MIGA1: variants seen among roughly 807,000 people sequenced by gnomAD.
The protein encoded by MIGA1 is family with sequence similarity 73, member A.
In MIGA1, 58 loss-of-function variants were observed where a neutral mutation model predicts 82.0. The ratio of observed to expected loss-of-function variants is 0.71; its 90% confidence interval spans 0.57 to 0.88. MIGA1 has a LOEUF of 0.88. MIGA1 is among the 40% of genes least tolerant of loss of function. The probability of loss-of-function intolerance (pLI) is 0.00; values close to 1 mark genes in which losing one functional copy is unlikely to be tolerated. For missense variants in MIGA1, 751 were observed against 749.1 expected (o/e 1.00, Z -0.03); for synonymous variants, 249 against 253.6 (o/e 0.98, Z 0.17).
chr1:77,856,754 G>A (rs955923611), intron 8 of MIGA1, among the ~76,000 whole-genome samples: 3 of 151,960 alleles, frequency 2.0e-5, no homozygotes, highest in African/African-American at 7.3e-5. Flanking sequence ...AGGTTATTGG[G>A]ATTTTCTCTC....
At chr1:77,811,760 G>A in intron 5 of MIGA1, 3 of 1,603,304 alleles carry the variant, frequency 1.9e-6, no homozygotes, top group Non-Finnish European at 2.6e-6. Context: ...CGCTGCAGCA[G>A]ACTCCGGGTC....
Position 77,851,252 on chromosome 1 carries a change from A to G in MIGA1, c.997-7686A>G, listed in dbSNP as rs985302816. Among the ~76,000 whole-genome samples, 6 of 152,218 alleles carry G rather than the reference A, an allele frequency of 3.9e-5. No individual in the cohort carries two copies. The South Asian group carries it at 1.2e-3, about 31-fold the overall frequency. On this transcript the variant is annotated intron_variant, in intron 8 of 15. Transcript: ENST00000370791. The stretch of plus-strand genomic sequence containing the variant: ...AAAAGGTAGGATGATGATTTGGTGT[A>G]AACAAATATAGTATTACTTTTCTTT...
rs768808863 is a variant in MIGA1, at chr1:77,858,945, A to T, written c.1004A>T (p.Glu335Val). 4.4e-6 allele frequency: 7 copies of T among 1,606,452 alleles called. No individual in the cohort carries two copies. The Admixed American group carries it at 5.0e-5, about 11-fold the overall frequency. ...AACCCACCGTGCTCTTAGCTTGCAG[A>T]ACACAGAGAAGTACGGCATACCTAC... The change falls in exon 9 of 16, where the codon GAA becomes GTA. Residue 335 changes from glutamate (E) to valine (V), a missense_variant. Around this residue, in one of 3 missense-constraint regions of MIGA1, gnomAD observed 482 missense variants for 439.4 expected, o/e 1.10. Transcript: ENST00000370791.
chr1:77,790,402 G>C (rs1682363145), intron 2 of MIGA1, among the ~76,000 whole-genome samples: 1 of 152,136 alleles, frequency 6.6e-6, no homozygotes, highest in Admixed American at 6.5e-5. Context: ...GAGTAGCTGG[G>C]ACTACAGGCT....
chr1:77,833,012 G>C (rs529079318), intron 7 of MIGA1, among the ~76,000 whole-genome samples: 1 of 152,290 alleles, frequency 6.6e-6, no homozygotes, highest in East Asian at 1.9e-4. Flanking sequence ...AGAACCTCTT[G>C]ACCACTAGAG....
intron 10 of MIGA1, 82 bp downstream of exon 10, chr1:77,859,468 C>T (rs1487308893): frequency 1.0e-5 from 9 of 898,462 alleles, no homozygotes; most frequent in South Asian, 2.7e-5. Flanking sequence ...ATAAACAGGA[C>T]AGCTCTGTGC....
In MIGA1 at chr1:77,877,558, T is replaced by G. The variant is rs985160344; in HGVS notation, c.*2494T>G. ...TATCTTTGGCCTTCACACACACATG[T>G]GTGCGTGCACGTGCATTTCATTACC... On this transcript the variant is annotated 3_prime_UTR_variant, in exon 16 of 16. Coordinates refer to ENST00000370791, the MANE Select transcript of MIGA1 (RefSeq NM_198549.4). The G allele has an allele frequency of 1.3e-5, 2 of 152,598 alleles. No individual in the cohort carries two copies. The highest frequency in any genetic ancestry group is 1.3e-4 in the Admixed American group (2 of 15,276). 9.5% of individuals were successfully genotyped at this position (152,598 alleles called of 1,614,324 possible).
chr1:77,836,556 G>GA (rs1684430338), intron 7 of MIGA1, among the ~76,000 whole-genome samples: 1 of 152,172 alleles, frequency 6.6e-6, no homozygotes, highest in Admixed American at 6.5e-5. Flanking sequence ...GATAGTAATA[G>GA]AAAAAATTAT....
chr1:77,779,864 C>T (rs1681820139), intron 1 of MIGA1, 128 bp downstream of exon 1: 1 of 1,429,800 alleles, frequency 7.0e-7, no homozygotes, highest in Non-Finnish European at 9.1e-7. Flanking sequence ...CGTTAGCTCT[C>T]GGAGTGCCAG....
intron 8 of MIGA1, chr1:77,848,230 G>A: frequency 7.0e-7 from 1 of 1,423,084 alleles, no homozygotes. Context: ...ATAAACTAAG[G>A]GCGAGGGACC....
chr1:77,849,289 C>G (rs759326438), intron 8 of MIGA1, among the ~76,000 whole-genome samples: 1 of 151,880 alleles, frequency 6.6e-6, no homozygotes, highest in Non-Finnish European at 1.5e-5. Flanking sequence ...CCCAGCTGTT[C>G]GAGAGGCTGA....
chr1:77,801,408 T>C lies in MIGA1; in HGVS notation c.273T>C (p.His91=). 6.2e-7 allele frequency: 1 copy of C among 1,608,636 alleles called. No individual in the cohort carries two copies. Among genetic ancestry groups the C allele is most frequent in the Non-Finnish European group, 8.5e-7 (1 of 1,179,054 alleles). The change falls in exon 3 of 16, where the codon CAT becomes CAC. Residue 91 remains histidine, a synonymous_variant. Transcript: ENST00000370791. ...CTATATCTGTAATTTTTCTGGCTCA[T>C]CACTTTAAAAGAAAACGTGGAAAGA...
At position 77,843,857 on chromosome 1, in the gene MIGA1, A is replaced by G. The variant is rs12046355; in HGVS notation, c.996+450A>G. Among the ~76,000 whole-genome samples, 76 of 151,994 alleles carry G rather than the reference A, an allele frequency of 5.0e-4. No homozygotes were observed. In the East Asian group the frequency reaches 0.012, roughly 24 times the overall value. On this transcript the variant is annotated intron_variant, in intron 8 of 15. Coordinates refer to ENST00000370791, the MANE Select transcript of MIGA1 (RefSeq NM_198549.4). ...CTTACAACTGTATTCCCAGTACTTTAGGAGGCTGAGGTGGAAGGATTGCTT... is the reference window on the plus strand; with the variant it reads ...CTTACAACTGTATTCCCAGTACTTTGGGAGGCTGAGGTGGAAGGATTGCTT...
At chr1:77,864,992 T>G (rs1482651462) in intron 13 of MIGA1, among the ~76,000 whole-genome samples, 1 of 152,198 alleles carries the variant, frequency 6.6e-6, no homozygotes, top group Non-Finnish European at 1.5e-5. Context: ...ATATTAAACT[T>G]AAAAGCATTT....
At chr1:77,822,100 A>AT (rs1280178248) in intron 7 of MIGA1, among the ~76,000 whole-genome samples, 1 of 152,024 alleles carries the variant, frequency 6.6e-6, no homozygotes, top group East Asian at 1.9e-4. Context: ...AATTAGCTTG[A>AT]TTTTGGTGGT....
intron 14 of MIGA1, among the ~76,000 whole-genome samples, chr1:77,871,975 CT>C (rs143626379): frequency 0.049 from 7,233 of 148,242 alleles, 230 homozygotes; most frequent in East Asian, 0.11. Flanking sequence ...TATGATTGCC[CT>C]TTTTTTTTTG....
Position 77,799,210 on chromosome 1 carries a change from T to G in MIGA1, c.196-2121T>G, listed in dbSNP as rs926712306. Among the ~76,000 whole-genome samples, 8 of 152,196 alleles carry G rather than the reference T, an allele frequency of 5.3e-5. No homozygotes were observed. In the South Asian group the frequency reaches 1.2e-3, roughly 24 times the overall value. ...GGCTTTGATATTAACTGTCCCCAACTTAACAATTTTTTGACTTCAAGATGA... is the reference window on the plus strand; with the variant it reads ...GGCTTTGATATTAACTGTCCCCAACGTAACAATTTTTTGACTTCAAGATGA... On this transcript the variant is annotated intron_variant, in intron 2 of 15. Transcript: ENST00000370791.
chr1:77,809,895 C>G (rs932071763), intron 5 of MIGA1, among the ~76,000 whole-genome samples: 139 of 149,370 alleles, frequency 9.3e-4, no homozygotes, highest in African/African-American at 3.2e-3. Flanking sequence ...GCGATCCTAT[C>G]TACCTATATA....
chr1:77,869,001 T>C (rs866961938), intron 14 of MIGA1, among the ~76,000 whole-genome samples: 2 of 151,752 alleles, frequency 1.3e-5, no homozygotes, highest in African/African-American at 4.8e-5. Flanking sequence ...GGCAGGGTCA[T>C]AGGACAATAG....
Sources: allele counts gnomAD v4.1 joint callset (sites outside exome capture counted in the v4.1 genomes callset), GRCh38; gene constraint gnomAD v4.1.1; regional missense constraint gnomAD v4.1.1; transcripts MANE v1.5; gene names NCBI Gene and HGNC (gene_info 2026-07-23, HGNC 2026-07-21).